Variants in TOPBP1 observed in about 807,000 individuals in gnomAD.
TOPBP1 encodes the protein DNA topoisomerase II binding protein 1, also known as DNA topoisomerase 2-binding protein 1.
In TOPBP1, 28 loss-of-function variants were observed where a neutral mutation model predicts 167.7. The observed-to-expected ratio is 0.17, with a 90% CI of 0.12 to 0.23. The LOEUF is 0.23. Among genes scored for constraint, TOPBP1 ranks in the 10% least tolerant of loss-of-function variants. The probability of loss-of-function intolerance (pLI) is 1.00; values close to 1 mark genes in which losing one functional copy is unlikely to be tolerated. For missense variants in TOPBP1, 1,554 were observed against 1,809.6 expected (o/e 0.86, Z 2.56); for synonymous variants, 598 against 611.4 (o/e 0.98, Z 0.32).
In TOPBP1 at chr3:133,661,091, A is replaced by G; in HGVS notation, c.37T>C (p.Phe13Leu). The G allele has an allele frequency of 6.2e-7, 1 of 1,601,702 alleles. No individual in the cohort carries two copies. Among genetic ancestry groups the G allele is most frequent in the Admixed American group, 1.7e-5 (1 of 57,356 alleles). Residue 13 changes from phenylalanine to leucine, a missense_variant, in exon 2 of 28, where the codon TTT becomes CTT. Physicochemically the swap from Phe to Leu is conservative, Grantham distance 22. Around this residue, in one of 3 missense-constraint regions of TOPBP1, gnomAD observed 1,197 missense variants for 1,351.5 expected, o/e 0.89. Transcript: ENST00000260810. ...TTGGAATTGTCTGAAGACTTTAAAA[A>G]CTTCACAAAAAACGGTTCTTTGTCA... is the stretch of plus-strand genomic sequence containing the variant. ...RNDKEPFFVK[F>L]LKSSDNSKCF... is the part of the protein sequence containing the mutation.
At position 133,628,732 on chromosome 3, in the gene TOPBP1, T is replaced by G. The variant is rs1389815730; in HGVS notation, c.2522A>C (p.Asp841Ala). 1.3e-6 allele frequency: 2 copies of G among 1,551,420 alleles called. No homozygotes were observed. Among genetic ancestry groups the G allele is most frequent in the Non-Finnish European group, 1.7e-6 (2 of 1,146,944 alleles). The change falls in exon 15 of 28, where the codon GAT becomes GCT. Residue 841 changes from aspartate to alanine, a missense_variant and splice_region_variant. Coordinates refer to ENST00000260810, the MANE Select transcript of TOPBP1 (RefSeq NM_007027.4). ...KLFKPSFDVK[D>A]ALAALETPGR... ...TGGAGTTTCCAAGGCTGCAAGTGCA[T>G]CCTATACATATGAAGGAGAGAGAGA...
chr3:133,608,470 T>C, intron 27 of TOPBP1, 65 bp downstream of exon 27: 4 of 1,549,796 alleles, frequency 2.6e-6, no homozygotes, highest in Non-Finnish European at 3.5e-6. Flanking sequence ...TGTTGTGCAG[T>C]TACTTATCTA....
chr3:133,611,194 G>GT (rs1402430589), intron 24 of TOPBP1, 53 bp from the exon 25 acceptor site: 31 of 1,565,760 alleles, frequency 2.0e-5, no homozygotes, highest in Non-Finnish European at 1.8e-5. Context: ...GAGCCACTGT[G>GT]CAACATACAG....
At chr3:133,605,269 T>C (rs1270565240) in intron 27 of TOPBP1, among the ~76,000 whole-genome samples, 1 of 151,040 alleles carries the variant, frequency 6.6e-6, no homozygotes, top group African/African-American at 2.4e-5. Flanking sequence ...CACAAACTCT[T>C]CGAGAAAATC....
chr3:133,628,264 A>G (rs1464991702), intron 16 of TOPBP1, 98 bp downstream of exon 16: 1 of 1,149,074 alleles, frequency 8.7e-7, no homozygotes, highest in Non-Finnish European at 1.2e-6. Flanking sequence ...AGATGCATGA[A>G]ACAAAATAAA....
chr3:133,627,792 G>A (rs562463790), intron 16 of TOPBP1, among the ~76,000 whole-genome samples: 1 of 152,052 alleles, frequency 6.6e-6, no homozygotes, highest in South Asian at 2.1e-4. Flanking sequence ...GGATACTGAT[G>A]CCATTTGTGC....
chr3:133,647,290 G>A (rs537369835), intron 10 of TOPBP1, among the ~76,000 whole-genome samples: 1 of 152,244 alleles, frequency 6.6e-6, no homozygotes, highest in East Asian at 1.9e-4. Flanking sequence ...GGAGGTCTAA[G>A]AAACCTCCAG....
At chr3:133,639,335 A>G (rs1446918505) in intron 13 of TOPBP1, among the ~76,000 whole-genome samples, 1 of 152,166 alleles carries the variant, frequency 6.6e-6, no homozygotes, top group East Asian at 1.9e-4. Context: ...GCTGGAAACC[A>G]TCATTCTGAG....
chr3:133,658,471 GAA>G (rs63201860), intron 3 of TOPBP1, among the ~76,000 whole-genome samples: 1 of 141,774 alleles, frequency 7.1e-6, no homozygotes, highest in African/African-American at 2.6e-5. Flanking sequence ...TATAACAAAA[GAA>G]AAAAAAAAAG....
intron 3 of TOPBP1, 150 bp downstream of exon 3, chr3:133,658,866 C>T: frequency 1.3e-6 from 1 of 777,308 alleles, no homozygotes; most frequent in East Asian, 3.2e-5. Context: ...ACATAATTAG[C>T]CTTTCAATCC....
At chr3:133,642,931 T>G (rs763414731) in intron 12 of TOPBP1, among the ~76,000 whole-genome samples, 12 of 152,206 alleles carry the variant, frequency 7.9e-5, no homozygotes, top group African/African-American at 1.4e-4. Flanking sequence ...GGTGTCATTA[T>G]GAAGTCACAA....
chr3:133,661,202 ACC>A lies in TOPBP1; in HGVS notation c.-7-70_-7-69del, dbSNP rs1369475445. On this transcript the variant is annotated intron_variant, in intron 1 of 27. Coordinates refer to ENST00000260810, the MANE Select transcript of TOPBP1 (RefSeq NM_007027.4). ...AGATAAAAAGTTGCATGTTTAACCT[ACC>A]TATTTTTCTGTGCAGACAAGAATGC... The A allele has an allele frequency of 1.0e-4, 123 of 1,230,694 alleles. No homozygotes were observed. The Middle Eastern group carries it at 1.9e-3, about 19-fold the overall frequency. The allele number at this position is 1,230,694 out of a possible 1,614,324, so 76.2% of individuals were successfully genotyped here.
chr3:133,623,391 A>G lies in TOPBP1; in HGVS notation c.2995T>C (p.Leu999=), dbSNP rs1935163773. 6.2e-7 allele frequency: 1 copy of G among 1,613,210 alleles called. No homozygotes were observed. The highest frequency in any genetic ancestry group is 8.5e-7 in the Non-Finnish European group (1 of 1,179,618). Residue 999 remains leucine (L), a synonymous_variant, in exon 18 of 28, where the codon TTG becomes CTG. Transcript: ENST00000260810. Reference sequence around the variant, plus strand: ...CCATCTTGCACTGCGCTGATATCCAAGCTCATTTTGGGATTATAAGTATGT... The same window carrying G: ...CCATCTTGCACTGCGCTGATATCCAGGCTCATTTTGGGATTATAAGTATGT... ...YPHTYNPKMS[L]DISAVQDGRL...
At chr3:133,616,441 GAAAC>G (rs1334730789) in intron 23 of TOPBP1, among the ~76,000 whole-genome samples, 4 of 151,864 alleles carry the variant, frequency 2.6e-5, no homozygotes, top group African/African-American at 4.8e-5. Flanking sequence ...TTTCTAACTG[GAAAC>G]AAACAAACAA....
intron 16 of TOPBP1, among the ~76,000 whole-genome samples, chr3:133,627,061 T>C (rs1935294002): frequency 6.6e-6 from 1 of 152,204 alleles, no homozygotes; most frequent in Non-Finnish European, 1.5e-5. Context: ...TCTATGCATA[T>C]ATAAATATCT....
chr3:133,661,363 T>C (rs951737894), intron 1 of TOPBP1, among the ~76,000 whole-genome samples: 3 of 152,148 alleles, frequency 2.0e-5, no homozygotes, highest in African/African-American at 7.2e-5. Context: ...TTAACCCGAA[T>C]TGAATACACT....
At chr3:133,658,436 C>T (rs889414190) in intron 3 of TOPBP1, among the ~76,000 whole-genome samples, 4 of 151,604 alleles carry the variant, frequency 2.6e-5, no homozygotes, top group Admixed American at 1.3e-4. Flanking sequence ...CACTGCACTC[C>T]AGCCTGGGCG....
chr3:133,643,901 A>G, intron 11 of TOPBP1, 119 bp downstream of exon 11: 1 of 1,076,338 alleles, frequency 9.3e-7, no homozygotes, highest in African/African-American at 1.6e-5. Context: ...AGCAAAATCA[A>G]GAGTGTTCAA....
intron 23 of TOPBP1, among the ~76,000 whole-genome samples, chr3:133,614,548 C>T (rs1014736094): frequency 6.6e-6 from 1 of 152,116 alleles, no homozygotes; most frequent in Non-Finnish European, 1.5e-5. Flanking sequence ...AGTTACAAGA[C>T]TCTGAATTCC....
Sources: gnomAD v4.1 joint callset for allele counts (sites outside exome capture counted in the v4.1 genomes callset) on GRCh38, gnomAD v4.1.1 for gene constraint, gnomAD v4.1.1 regional missense constraint, MANE v1.5 for transcripts, NCBI Gene and HGNC (gene_info 2026-07-23, HGNC 2026-07-21) for gene names.